SYNDIG1: variants seen among roughly 807,000 people sequenced by gnomAD.
The protein encoded by SYNDIG1 is synapse differentiation inducing 1, also known as synapse differentiation-inducing gene protein 1.
Under a neutral mutation model 19.4 loss-of-function variants are expected in SYNDIG1, and 9 were observed. That is an observed-to-expected ratio of 0.46 (90% CI 0.28 to 0.81). The LOEUF (loss-of-function observed/expected upper bound fraction) is 0.81, where lower values mean the gene tolerates loss of function less well. SYNDIG1 is among the 30% of genes least tolerant of loss of function. SYNDIG1 has a pLI of 0.12. For missense variants in SYNDIG1, 311 were observed against 343.3 expected, an observed-to-expected ratio of 0.91 and a Z score of 0.74; for synonymous variants, 141 against 145.9, an observed-to-expected ratio of 0.97 and a Z score of 0.24.
intron 3 of SYNDIG1, among the ~76,000 whole-genome samples, chr20:24,631,366 G>C (rs1381328927): frequency 1.3e-5 from 2 of 152,186 alleles, no homozygotes; most frequent in African/African-American, 4.8e-5. Flanking sequence ...AGGCAGCAAA[G>C]GCCTCTCAGG....
At chr20:24,490,619 G>A (rs973914934) in intron 1 of SYNDIG1, among the ~76,000 whole-genome samples, 2 of 152,164 alleles carry the variant, frequency 1.3e-5, no homozygotes, top group Non-Finnish European at 2.9e-5. Context: ...CCATGGTGTC[G>A]TCGGGGCAAT....
Position 24,634,030 on chromosome 20 carries a change from G to A in SYNDIG1, c.619-31316G>A, listed in dbSNP as rs192829338. ...TATTCATTGTCTTTTCAAATATAGT[G>A]TACTCAACTTGGAAAACAGAAGGAG... On this transcript the variant is annotated intron_variant, in intron 3 of 3. Transcript: ENST00000376862. Among the ~76,000 whole-genome samples, 11 of 152,262 alleles carry A rather than the reference G, an allele frequency of 7.2e-5. 1 individual carries two copies. Among genetic ancestry groups the A allele is most frequent in the African/African-American group, 2.4e-4 (10 of 41,542 alleles).
intron 2 of SYNDIG1, among the ~76,000 whole-genome samples, chr20:24,547,820 A>G (rs2095701216): frequency 6.6e-6 from 1 of 152,170 alleles, no homozygotes; most frequent in Admixed American, 6.5e-5. Flanking sequence ...CAAAATATAC[A>G]ATTTGAGTTT....
At chr20:24,621,244 A>G (rs899621980) in intron 3 of SYNDIG1, among the ~76,000 whole-genome samples, 10 of 152,256 alleles carry the variant, frequency 6.6e-5, no homozygotes, top group African/African-American at 2.4e-4. Context: ...TTCCACATGC[A>G]TCTCACTTGT....
At chr20:24,652,090 C>A (rs1231326768) in intron 3 of SYNDIG1, among the ~76,000 whole-genome samples, 1 of 152,218 alleles carries the variant, frequency 6.6e-6, no homozygotes, top group Non-Finnish European at 1.5e-5. Flanking sequence ...GCTTTGGAAC[C>A]ATTTGTTACC....
chr20:24,573,333 G>A (rs2058175359), intron 2 of SYNDIG1, among the ~76,000 whole-genome samples: 1 of 152,130 alleles, frequency 6.6e-6, no homozygotes, highest in East Asian at 1.9e-4. Context: ...TGTTCAGGCA[G>A]GGAGAAGTGG....
intron 3 of SYNDIG1, among the ~76,000 whole-genome samples, chr20:24,645,896 T>C (rs1034645663): frequency 2.6e-4 from 39 of 152,326 alleles, no homozygotes; most frequent in African/African-American, 8.2e-4. Flanking sequence ...CACCTGGTGC[T>C]GGCCAGCTAC....
At chr20:24,662,797 CAG>C (rs1185989857) in intron 3 of SYNDIG1, among the ~76,000 whole-genome samples, 4 of 152,258 alleles carry the variant, frequency 2.6e-5, no homozygotes, top group Non-Finnish European at 4.4e-5. Context: ...TGGCAAAAGA[CAG>C]GGAAGGAAAA....
chr20:24,519,897 T>C (rs2056969652), intron 1 of SYNDIG1, among the ~76,000 whole-genome samples: 1 of 152,048 alleles, frequency 6.6e-6, no homozygotes, highest in South Asian at 2.1e-4. Context: ...CAGAATGTCA[T>C]CACTGTAGAT....
At chr20:24,525,754 T>G (rs531493967) in intron 1 of SYNDIG1, among the ~76,000 whole-genome samples, 49 of 152,354 alleles carry the variant, frequency 3.2e-4, no homozygotes, top group Non-Finnish European at 5.6e-4. Flanking sequence ...ATCAAAATTA[T>G]TATTCAAATA....
chr20:24,471,882 A>G (rs1362220826), intron 1 of SYNDIG1, among the ~76,000 whole-genome samples: 2 of 152,204 alleles, frequency 1.3e-5, no homozygotes, highest in Non-Finnish European at 2.9e-5. Flanking sequence ...TTGTATACGC[A>G]TATCACAGCA....
At chr20:24,550,530 A>G (rs1345362811) in intron 2 of SYNDIG1, among the ~76,000 whole-genome samples, 3 of 143,912 alleles carry the variant, frequency 2.1e-5, no homozygotes, top group Non-Finnish European at 3.0e-5. Context: ...TTTTTTTGAG[A>G]CGGAGTCTCT....
chr20:24,633,149 A>G (rs1256286541), intron 3 of SYNDIG1, among the ~76,000 whole-genome samples: 1 of 152,116 alleles, frequency 6.6e-6, no homozygotes, highest in African/African-American at 2.4e-5. Context: ...GCCATGCTAA[A>G]CACTTAGTGA....
chr20:24,497,083 C>A (rs2056322172), intron 1 of SYNDIG1, among the ~76,000 whole-genome samples: 1 of 152,130 alleles, frequency 6.6e-6, no homozygotes, highest in Admixed American at 6.5e-5. Flanking sequence ...GAATTTTATT[C>A]TTCTGTTCTT....
intron 3 of SYNDIG1, among the ~76,000 whole-genome samples, chr20:24,610,428 G>A (rs2058828268): frequency 6.6e-6 from 1 of 152,206 alleles, no homozygotes; most frequent in Non-Finnish European, 1.5e-5. Flanking sequence ...TCGGAAGCAT[G>A]TTTATGCATG....
chr20:24,558,942 C>A (rs1452275367), intron 2 of SYNDIG1, among the ~76,000 whole-genome samples: 3 of 152,236 alleles, frequency 2.0e-5, no homozygotes, highest in African/African-American at 7.2e-5. Context: ...CAAGGAAAAA[C>A]AGTTTGGAGG....
chr20:24,572,116 G>A (rs2058153627), intron 2 of SYNDIG1, among the ~76,000 whole-genome samples: 1 of 152,184 alleles, frequency 6.6e-6, no homozygotes, highest in Non-Finnish European at 1.5e-5. Context: ...TTGAGACTGA[G>A]CTCCCATCTC....
intron 2 of SYNDIG1, 96 bp downstream of exon 2, chr20:24,543,673 GAAACTAGTGTGCAAA>G (rs2057515838): frequency 2.0e-6 from 3 of 1,506,008 alleles, no homozygotes; most frequent in Admixed American, 2.0e-5. Context: ...GTTAGGGAAT[GAAACTAGTGTGCAAA>G]AATGCAGAAA....
chr20:24,511,455 T>G (rs1274862817), intron 1 of SYNDIG1, among the ~76,000 whole-genome samples: 1 of 152,174 alleles, frequency 6.6e-6, no homozygotes, highest in African/African-American at 2.4e-5. Flanking sequence ...ACTGAACTGA[T>G]GGGCAGGGTG....
Sources: allele counts gnomAD v4.1 joint callset (sites outside exome capture counted in the v4.1 genomes callset), GRCh38; gene constraint gnomAD v4.1.1; transcripts MANE v1.5; gene names NCBI Gene and HGNC (gene_info 2026-07-23, HGNC 2026-07-21).